Variants in PREX2 observed in about 807,000 individuals in gnomAD.
The protein encoded by PREX2 is phosphatidylinositol-3,4,5-trisphosphate dependent Rac exchange factor 2.
A neutral mutation model predicts 203.2 loss-of-function variants in PREX2; 107 were observed. That is an observed-to-expected ratio of 0.53 (90% CI 0.45 to 0.62). The LOEUF (loss-of-function observed/expected upper bound fraction) is 0.62, where lower values mean the gene tolerates loss of function less well. Ranked by LOEUF, PREX2 falls within the 20% of genes least tolerant of loss-of-function variation. The pLI is 0.00. For synonymous variants in PREX2, 672 were observed against 663.6 expected, an observed-to-expected ratio of 1.01 and a Z score of -0.19; for missense variants, 1,777 against 1,955.9, an observed-to-expected ratio of 0.91 and a Z score of 1.72.
chr8:68,134,155 A>G lies in PREX2; in HGVS notation c.3863A>G (p.Gln1288Arg), dbSNP rs758123711. 7 of 1,614,034 alleles carry G rather than the reference A, an allele frequency of 4.3e-6. No homozygotes were observed. In the African/African-American group the frequency reaches 9.3e-5, roughly 22 times the overall value. ...FSEQLMAALN[Q>R]MFDNSKENEM... ...GAGCAGCTCATGGCGGCCTTGAACC[A>G]GATGTTTGACAACAGCAAGGAAAAT... The change falls in exon 32 of 40, where the codon CAG (glutamine) becomes CGG (arginine). Residue 1288 changes from glutamine (Q) to arginine (R), a missense_variant. By Grantham distance (43) the Gln-to-Arg change is conservative. Transcript: ENST00000288368.
intron 21 of PREX2, 91 bp from the exon 22 acceptor site, chr8:68,096,926 C>A: frequency 5.7e-6 from 6 of 1,060,334 alleles, no homozygotes; most frequent in Non-Finnish European, 8.5e-6. Flanking sequence ...TTAAAGAACT[C>A]TTTAAAAATT....
At chr8:68,024,362 T>C (rs1807653451) in intron 4 of PREX2, among the ~76,000 whole-genome samples, 1 of 152,042 alleles carries the variant, frequency 6.6e-6, no homozygotes, top group Non-Finnish European at 1.5e-5. Flanking sequence ...TGGGACTCTG[T>C]TAGATATGCA....
intron 17 of PREX2, among the ~76,000 whole-genome samples, chr8:68,081,467 T>C (rs1484946887): frequency 6.6e-6 from 1 of 152,112 alleles, no homozygotes; most frequent in Non-Finnish European, 1.5e-5. Flanking sequence ...AAGTGGCTCA[T>C]TCTTTGTCCC....
At chr8:68,100,000 T>A in intron 23 of PREX2, 157 bp downstream of exon 23, 1 of 772,990 alleles carries the variant, frequency 1.3e-6, no homozygotes, top group Non-Finnish European at 2.3e-6. Context: ...TGAAATGGCT[T>A]AACATCCATT....
At position 68,126,916 on chromosome 8, in the gene PREX2, G is replaced by GTA. The variant is rs143838944; in HGVS notation, c.3725-451_3725-450dup. On this transcript the variant is annotated intron_variant, in intron 30 of 39. Transcript: ENST00000288368. ...TATATATACATATATACGTGTGTGT[G>GTA]TATATATATATACACACATGTGTAA... Among the ~76,000 whole-genome samples the GTA allele has an allele frequency of 2.3e-4, 35 of 151,154 alleles. No homozygotes were observed. The East Asian group carries it at 2.7e-3, about 12-fold the overall frequency.
intron 19 of PREX2, 51 bp downstream of exon 19, chr8:68,087,860 GC>G (rs749084906): frequency 1.7e-6 from 2 of 1,172,210 alleles, no homozygotes; most frequent in Admixed American, 3.4e-5. Flanking sequence ...TTTGGGATGT[GC>G]CCGATGGAAC....
intron 17 of PREX2, among the ~76,000 whole-genome samples, chr8:68,081,641 C>T (rs996679135): frequency 1.3e-5 from 2 of 152,128 alleles, no homozygotes; most frequent in Non-Finnish European, 2.9e-5. Context: ...CTTTCATCAC[C>T]AAAGGACATG....
At chr8:68,193,116 T>C (rs886281457) in intron 37 of PREX2, among the ~76,000 whole-genome samples, 7 of 152,238 alleles carry the variant, frequency 4.6e-5, no homozygotes, top group African/African-American at 2.4e-5. Flanking sequence ...TAAAAATTCC[T>C]GTAGATACAT....
At chr8:68,028,559 T>G (rs1401816271) in intron 5 of PREX2, among the ~76,000 whole-genome samples, 2 of 152,110 alleles carry the variant, frequency 1.3e-5, no homozygotes, top group Non-Finnish European at 2.9e-5. Flanking sequence ...TATTTGTTCC[T>G]TATTAAAGAA....
chr8:68,193,062 C>T (rs1303719501), intron 37 of PREX2, among the ~76,000 whole-genome samples: 3 of 152,110 alleles, frequency 2.0e-5, no homozygotes, highest in African/African-American at 7.2e-5. Context: ...GGTGGTTTAT[C>T]TTAGGCAACT....
intron 32 of PREX2, among the ~76,000 whole-genome samples, chr8:68,138,126 T>G (rs1811149505): frequency 6.6e-6 from 1 of 152,196 alleles, no homozygotes; most frequent in Non-Finnish European, 1.5e-5. Flanking sequence ...GAAATCAATA[T>G]GATTAGAATC....
intron 33 of PREX2, among the ~76,000 whole-genome samples, chr8:68,143,523 G>A (rs1026179930): frequency 6.6e-6 from 1 of 151,120 alleles, no homozygotes; most frequent in African/African-American, 2.5e-5. Flanking sequence ...ACATTTTTAT[G>A]GATTAACACA....
At chr8:68,032,812 G>A (rs546344039) in intron 6 of PREX2, among the ~76,000 whole-genome samples, 2 of 152,150 alleles carry the variant, frequency 1.3e-5, no homozygotes, top group Non-Finnish European at 1.5e-5. Context: ...AAGTTCAGAC[G>A]TAGGGTGGCA....
chr8:68,020,333 CAAAAA>C (rs67292795), intron 3 of PREX2, among the ~76,000 whole-genome samples: 2 of 106,104 alleles, frequency 1.9e-5, no homozygotes, highest in African/African-American at 6.4e-5. Flanking sequence ...GCATTCACAC[CAAAAA>C]AAAAAAAAAA....
At chr8:68,007,898 C>T (rs375736764) in intron 1 of PREX2, among the ~76,000 whole-genome samples, 5 of 152,190 alleles carry the variant, frequency 3.3e-5, no homozygotes, top group African/African-American at 7.2e-5. Flanking sequence ...CATGAGCCAC[C>T]GCGCCCGGCC....
chr8:68,148,240 C>G (rs956688761), intron 34 of PREX2, among the ~76,000 whole-genome samples: 5 of 152,088 alleles, frequency 3.3e-5, no homozygotes, highest in Non-Finnish European at 7.3e-5. Flanking sequence ...GGGTGAGACT[C>G]TGCTTCAATA....
At chr8:68,082,024 A>T (rs1427057350) in intron 17 of PREX2, among the ~76,000 whole-genome samples, 2 of 128,754 alleles carry the variant, frequency 1.6e-5, no homozygotes, top group African/African-American at 5.9e-5. Context: ...AACAAAAAAA[A>T]CTTCTGATCA....
At chr8:68,004,251 T>C (rs994319453) in intron 1 of PREX2, among the ~76,000 whole-genome samples, 2 of 152,198 alleles carry the variant, frequency 1.3e-5, no homozygotes, top group Admixed American at 1.3e-4. Context: ...AAGCTAAGAT[T>C]ACTCCCAGCC....
intron 22 of PREX2, 49 bp downstream of exon 22, chr8:68,097,250 C>T: frequency 6.9e-7 from 1 of 1,457,254 alleles, no homozygotes; most frequent in Non-Finnish European, 9.3e-7. Flanking sequence ...AATAAAGGAA[C>T]TGAAATCCTC....
Sources: gnomAD v4.1 joint callset for allele counts (sites outside exome capture counted in the v4.1 genomes callset) on GRCh38, gnomAD v4.1.1 for gene constraint, MANE v1.5 for transcripts, NCBI Gene and HGNC (gene_info 2026-07-23, HGNC 2026-07-21) for gene names.